Variants in NDRG1 observed in about 807,000 individuals in gnomAD.
NDRG1 encodes protein NDRG1.
A neutral mutation model predicts 56.9 loss-of-function variants in NDRG1; 32 were observed. The ratio of observed to expected loss-of-function variants is 0.56; its 90% CI spans 0.42 to 0.76. The LOEUF (loss-of-function observed/expected upper bound fraction) is 0.76. NDRG1 is among the 30% of genes least tolerant of loss of function. The pLI, the probability that NDRG1 is intolerant of heterozygous loss-of-function variation, is 0.00. For synonymous variants in NDRG1, 211 were observed against 204.1 expected (o/e 1.03, Z -0.29); for missense variants, 507 against 545.7 (o/e 0.93, Z 0.71).
chr8:133,246,780 G>T, intron 12 of NDRG1, 117 bp from the exon 13 acceptor site: 1 of 977,186 alleles, frequency 1.0e-6, no homozygotes, highest in Non-Finnish European at 1.7e-6. Flanking sequence ...TGCTGGCAAA[G>T]AAGAAAGTAT....
chr8:133,246,694 T>C (rs541244774), intron 12 of NDRG1, 31 bp from the exon 13 acceptor site: 3 of 1,613,090 alleles, frequency 1.9e-6, no homozygotes, highest in African/African-American at 1.3e-5. Context: ...CTGTTAATTT[T>C]CTACGTGAAG....
Position 133,239,039 on chromosome 8 carries a change from T to G in NDRG1, c.1024A>C (p.Ser342Arg), listed in dbSNP as rs1161339024. The G allele has an allele frequency of 1.3e-6, 2 of 1,596,884 alleles. No individual in the cohort carries two copies. Residue 342 changes from serine (S) to arginine (R), a missense_variant, in exon 16 of 16, where the codon AGC becomes CGC. Transcript: ENST00000323851. ...SSVTSLDGTR[S>R]RSHTSEGTRS... is the part of the protein sequence containing the mutation. ...GTGCCCTCGCTGGTGTGGGAGCGGC[T>G]GCGGGTGCCATCCAGAGAAGTGACG... is the stretch of plus-strand genomic sequence containing the variant.
Position 133,264,546 on chromosome 8 carries a change from C to CA in NDRG1, c.205_205+1insT (p.His69LeufsTer52). On this transcript the variant is annotated frameshift_variant and splice_region_variant. Transcript: ENST00000323851. LOFTEE classifies it high-confidence loss of function. Reference sequence around the variant, plus strand: ...GGGAATCAGAGCTCCTCAGAACTTACGGTTCATGCCGATGTCATGGTAGGT... The same window carrying CA: ...GGGAATCAGAGCTCCTCAGAACTTACAGGTTCATGCCGATGTCATGGTAGGT... 6.2e-7 allele frequency: 1 copy of CA among 1,613,766 alleles called. No individual in the cohort carries two copies. Among genetic ancestry groups the CA allele is most frequent in the Non-Finnish European group, 8.5e-7 (1 of 1,179,648 alleles).
intron 8 of NDRG1, 138 bp downstream of exon 8, chr8:133,256,639 C>T: frequency 1.3e-6 from 1 of 782,282 alleles, no homozygotes. Context: ...GCAGAGGGAA[C>T]TGGAGTGGGC....
chr8:133,264,769 A>G (rs1391214932), intron 3 of NDRG1, 117 bp from the exon 4 acceptor site: 6 of 875,870 alleles, frequency 6.9e-6, no homozygotes, highest in South Asian at 1.4e-5. Context: ...TCATCTGGCC[A>G]TAAGAGCCCC....
At chr8:133,264,897 A>C in intron 3 of NDRG1, 1 of 545,892 alleles carries the variant, frequency 1.8e-6, no homozygotes, top group Non-Finnish European at 3.3e-6. Flanking sequence ...AATGCACCAA[A>C]TGCTGGGGAA....
At chr8:133,244,244 G>T in intron 14 of NDRG1, 111 bp downstream of exon 14, 1 of 1,343,932 alleles carries the variant, frequency 7.4e-7, no homozygotes. Context: ...TCCACAAACT[G>T]TCATCCGATG....
chr8:133,265,028 C>T (rs1019995274), intron 3 of NDRG1: 1 of 321,576 alleles, frequency 3.1e-6, no homozygotes, highest in Non-Finnish European at 6.1e-6. Flanking sequence ...GGTTACTGTA[C>T]CTGTGACTAA....
At chr8:133,258,481 C>A in intron 6 of NDRG1, 55 bp from the exon 7 acceptor site, 1 of 1,557,860 alleles carries the variant, frequency 6.4e-7, no homozygotes, top group African/African-American at 1.4e-5. Flanking sequence ...CGGGAGCCTC[C>A]AAGGACCCAC....
intron 9 of NDRG1, among the ~76,000 whole-genome samples, chr8:133,252,342 G>A (rs1356163955): frequency 2.0e-5 from 3 of 152,122 alleles, no homozygotes; most frequent in East Asian, 1.9e-4. Flanking sequence ...TGATCCACTC[G>A]CCTAAGCCTC....
chr8:133,247,938 G>A lies in NDRG1; in HGVS notation c.756-12C>T. 1 of 1,613,790 alleles carries A rather than the reference G, an allele frequency of 6.2e-7. No individual in the cohort carries two copies. Among genetic ancestry groups the A allele is most frequent in the Non-Finnish European group, 8.5e-7 (1 of 1,179,854 alleles). On this transcript the variant is annotated splice_polypyrimidine_tract_variant and intron_variant, in intron 11 of 15. Coordinates refer to ENST00000323851, the MANE Select transcript of NDRG1 (RefSeq NM_006096.4). ...ACAGAGCAGGGCACCTGGGGTCAGG[G>A]ATAGAGCAGAGAATTAGCACAAGGT...
At chr8:133,241,456 T>C (rs916097550) in intron 15 of NDRG1, 2 of 165,880 alleles carry the variant, frequency 1.2e-5, no homozygotes, top group African/African-American at 2.4e-5. Context: ...CCACCTTGAA[T>C]GTAAGCAACT....
chr8:133,263,367 A>C (rs975162735), intron 4 of NDRG1, among the ~76,000 whole-genome samples: 1 of 152,238 alleles, frequency 6.6e-6, no homozygotes, highest in African/African-American at 2.4e-5. Flanking sequence ...TCAAAAATCA[A>C]GCAAGCTTGC....
chr8:133,262,584 G>A (rs925488757), intron 4 of NDRG1, among the ~76,000 whole-genome samples: 6 of 152,162 alleles, frequency 3.9e-5, no homozygotes, highest in Non-Finnish European at 5.9e-5. Flanking sequence ...ATTTTCAAAC[G>A]AGGAGGAGCA....
At chr8:133,292,374 C>G (rs1174668381) in intron 1 of NDRG1, among the ~76,000 whole-genome samples, 1 of 152,154 alleles carries the variant, frequency 6.6e-6, no homozygotes, top group Non-Finnish European at 1.5e-5. Flanking sequence ...GCAAGATGGT[C>G]CAAGTTACTT....
intron 6 of NDRG1, 24 bp from the exon 7 acceptor site, chr8:133,258,450 T>A (rs1390619532): frequency 1.9e-6 from 3 of 1,601,458 alleles, no homozygotes; most frequent in Non-Finnish European, 2.6e-6. Context: ...TACAAATGCA[T>A]GTCACACAAG....
At chr8:133,291,810 C>T (rs1188853806) in intron 1 of NDRG1, among the ~76,000 whole-genome samples, 1 of 152,210 alleles carries the variant, frequency 6.6e-6, no homozygotes, top group African/African-American at 2.4e-5. Context: ...GTGAACCCCA[C>T]TGTCTCCCTC....
chr8:133,259,267 G>T lies in NDRG1; in HGVS notation c.327-37C>A, dbSNP rs372528172. On this transcript the variant is annotated intron_variant, in intron 5 of 15. Coordinates refer to ENST00000323851, the MANE Select transcript of NDRG1 (RefSeq NM_006096.4). Reference sequence around the variant, plus strand: ...ACAGAGAAGCCATTAGTGAGCGCCCGGACAGAAACGGGTAATCCAAACAGG... The same window carrying T: ...ACAGAGAAGCCATTAGTGAGCGCCCTGACAGAAACGGGTAATCCAAACAGG... The T allele has an allele frequency of 8.8e-6, 14 of 1,597,042 alleles. No homozygotes were observed. In the African/African-American group the frequency reaches 1.5e-4, roughly 17 times the overall value.
At chr8:133,263,098 G>A (rs2976570) in intron 4 of NDRG1, among the ~76,000 whole-genome samples, 36,668 of 152,144 alleles carry the variant, frequency 0.24, 5,136 homozygotes, top group East Asian at 0.42. Context: ...CTCCGAATGG[G>A]GAGAGACGCT....
Sources: allele counts gnomAD v4.1 joint callset (sites outside exome capture counted in the v4.1 genomes callset), GRCh38; gene constraint gnomAD v4.1.1; transcripts MANE v1.5; gene names NCBI Gene and HGNC (gene_info 2026-07-23, HGNC 2026-07-21).